NLGN4Y: variants seen among roughly 807,000 people sequenced by gnomAD.
The protein encoded by NLGN4Y is neuroligin 4 Y-linked, also known as neuroligin-4, Y-linked.
In NLGN4Y, 4 loss-of-function variants were observed where a neutral mutation model predicts 8.4. The ratio of observed to expected loss-of-function variants is 0.48; its 90% confidence interval spans 0.23 to 1.09. The LOEUF (loss-of-function observed/expected upper bound fraction) is 1.09, where lower values mean the gene tolerates loss of function less well. Among genes scored for constraint, NLGN4Y ranks in the 50% least tolerant of loss-of-function variants. The pLI, the probability that NLGN4Y is intolerant of heterozygous loss-of-function variation, is 0.19. For missense variants in NLGN4Y, 90 were observed against 192.3 expected (o/e 0.47, Z 3.15); for synonymous variants, 35 against 75.6 (o/e 0.46, Z 2.78).
intron 2 of NLGN4Y, among the ~76,000 whole-genome samples, chrY:14,697,443 G>T: frequency 3.2e-5 from 1 of 30,883 alleles, no homozygotes; most frequent in African/African-American, 1.3e-4. Flanking sequence ...TAGAGGTGGA[G>T]AGATAAAAGA....
chrY:14,788,833 C>T, intron 4 of NLGN4Y, among the ~76,000 whole-genome samples: 2 of 33,016 alleles, frequency 6.1e-5, no homozygotes, highest in African/African-American at 1.2e-4. Flanking sequence ...CACACCCATC[C>T]GGGTGGACAG....
intron 2 of NLGN4Y, among the ~76,000 whole-genome samples, chrY:14,690,536 A>G: frequency 9.1e-5 from 3 of 33,004 alleles, no homozygotes; most frequent in Non-Finnish European, 2.2e-4. Flanking sequence ...GTGAAATCAT[A>G]TAATGTTCAG....
intron 2 of NLGN4Y, among the ~76,000 whole-genome samples, chrY:14,675,946 G>A (rs2080747412): frequency 3.0e-5 from 1 of 33,010 alleles, no homozygotes; most frequent in Non-Finnish European, 7.5e-5. Flanking sequence ...TCACACCATA[G>A]CAAAATCCAT....
chrY:14,693,117 C>T, intron 2 of NLGN4Y, among the ~76,000 whole-genome samples: 1 of 33,051 alleles, frequency 3.0e-5, no homozygotes, highest in Non-Finnish European at 7.5e-5. Context: ...GGCTAGTCCT[C>T]CCAAAGTGCC....
At chrY:14,619,645 T>C (rs2080501486) in intron 1 of NLGN4Y, among the ~76,000 whole-genome samples, 1 of 33,810 alleles carries the variant, frequency 3.0e-5, no homozygotes, top group Non-Finnish European at 7.3e-5. Flanking sequence ...AGTTTACCCT[T>C]TTAGTAGTCT....
intron 1 of NLGN4Y, among the ~76,000 whole-genome samples, chrY:14,611,391 C>T (rs9786007): frequency 0.011 from 152 of 14,074 alleles, no homozygotes; most frequent in African/African-American, 0.084. Flanking sequence ...TTTTTTTTTT[C>T]TTTTTTTTTT....
intron 2 of NLGN4Y, among the ~76,000 whole-genome samples, chrY:14,661,070 G>T (rs2080672890): frequency 3.0e-5 from 1 of 33,179 alleles, no homozygotes; most frequent in East Asian, 8.0e-4. Flanking sequence ...ATTTACAATA[G>T]CCAAGTTGTG....
chrY:14,837,673 T>C (rs776665642), intron 6 of NLGN4Y, among the ~76,000 whole-genome samples: 42 of 33,808 alleles, frequency 1.2e-3, no homozygotes, highest in Admixed American at 3.2e-3. Flanking sequence ...CTCCACAAGC[T>C]TATCAGTGCT....
At chrY:14,567,445 C>T (rs766557862) in intron 1 of NLGN4Y, among the ~76,000 whole-genome samples, 23 of 30,628 alleles carry the variant, frequency 7.5e-4, no homozygotes, top group African/African-American at 2.8e-3. Flanking sequence ...AGGCTGGTCT[C>T]GAACTCCTGA....
intron 4 of NLGN4Y, among the ~76,000 whole-genome samples, chrY:14,740,830 A>G: frequency 3.0e-5 from 1 of 33,785 alleles, no homozygotes; most frequent in Admixed American, 2.7e-4. Context: ...TTTTTTGTCT[A>G]ACAAATTAAT....
chrY:14,589,396 CAGAGTGCCGATTGGTGT>C lies in NLGN4Y; in HGVS notation c.-111-32611_-111-32595del. 1.7e-4 allele frequency among the ~76,000 whole-genome samples: 5 copies of C among 28,758 alleles called. No individual in the cohort carries two copies. The South Asian group carries it at 4.5e-3, about 26-fold the overall frequency. The allele number at this position is 28,758 out of a possible 37,273, so 77.2% of individuals were successfully genotyped here. A position where few individuals can be genotyped will look rare whatever the true frequency, so the allele number is the denominator to read the frequency against. On this transcript the variant is annotated intron_variant, in intron 1 of 6. Coordinates refer to ENST00000684976, the MANE Select transcript of NLGN4Y (RefSeq NM_001365588.1). ...GTATTTACAATCCTCGAGCTAGATA[CAGAGTGCCGATTGGTGT>C]ATTTACAATCCCTGAGCTAGACATA...
chrY:14,656,446 G>T (rs2080651436), intron 2 of NLGN4Y, among the ~76,000 whole-genome samples: 1 of 30,720 alleles, frequency 3.3e-5, no homozygotes, highest in Non-Finnish European at 7.8e-5. Context: ...AATTAGCTCG[G>T]TGTGGGGGTG....
chrY:14,582,235 G>A (rs751868300), intron 1 of NLGN4Y, among the ~76,000 whole-genome samples: 2 of 33,579 alleles, frequency 6.0e-5, no homozygotes, highest in African/African-American at 1.2e-4. Context: ...GACAGTCTTC[G>A]TACTGGCTCT....
At chrY:14,538,110 G>A in intron 1 of NLGN4Y, among the ~76,000 whole-genome samples, 1 of 33,277 alleles carries the variant, frequency 3.0e-5, no homozygotes, top group Non-Finnish European at 7.4e-5. Flanking sequence ...TGAATTTAAA[G>A]TACAGTTTGT....
At chrY:14,582,625 A>G in intron 1 of NLGN4Y, among the ~76,000 whole-genome samples, 1 of 33,378 alleles carries the variant, frequency 3.0e-5, no homozygotes, top group Non-Finnish European at 7.4e-5. Context: ...ATTAGACATG[A>G]TGGCACATGC....
chrY:14,828,358 C>A (rs532789149), intron 5 of NLGN4Y, among the ~76,000 whole-genome samples: 92 of 30,177 alleles, frequency 3.0e-3, no homozygotes, highest in African/African-American at 0.011. Flanking sequence ...TATATACACA[C>A]AAAAATATGC....
chrY:14,642,913 T>A, intron 2 of NLGN4Y, among the ~76,000 whole-genome samples: 1 of 33,619 alleles, frequency 3.0e-5, no homozygotes, highest in Non-Finnish European at 7.4e-5. Flanking sequence ...TAGAAAATAG[T>A]GTCCTCAGGT....
chrY:14,826,341 T>TC (rs2043145954), intron 5 of NLGN4Y, among the ~76,000 whole-genome samples: 1 of 24,575 alleles, frequency 4.1e-5, no homozygotes, highest in African/African-American at 1.7e-4. Flanking sequence ...TTCTTTTCTT[T>TC]TTTTTTTTTT....
chrY:14,708,894 C>T, intron 2 of NLGN4Y, among the ~76,000 whole-genome samples: 2 of 33,427 alleles, frequency 6.0e-5, no homozygotes, highest in African/African-American at 2.3e-4. Context: ...CTGGGAGGCT[C>T]TTCAGCCTAG....
Sources: gnomAD v4.1 joint callset for allele counts (sites outside exome capture counted in the v4.1 genomes callset) on GRCh38, gnomAD v4.1.1 for gene constraint, MANE v1.5 for transcripts, NCBI Gene and HGNC (gene_info 2026-07-23, HGNC 2026-07-21) for gene names.